The following SLC22A12 variants were observed in gnomAD, a reference collection of about 807,000 sequenced individuals.
SLC22A12 encodes the protein solute carrier family 22 member 12.
A neutral mutation model predicts 52.7 loss-of-function variants in SLC22A12; 56 were observed. The ratio of observed to expected loss-of-function variants is 1.06; its 90% CI spans 0.86 to 1.33. The LOEUF (loss-of-function observed/expected upper bound fraction) is 1.33, where lower values mean the gene tolerates loss of function less well. Ranked by LOEUF, SLC22A12 falls within the 40% of genes most tolerant of loss-of-function variation. SLC22A12 has a pLI of 0.00. For synonymous variants in SLC22A12, 337 were observed against 324.6 expected (o/e 1.04, Z -0.41); for missense variants, 683 against 741.5 (o/e 0.92, Z 0.92).
intron 1 of SLC22A12, among the ~76,000 whole-genome samples, chr11:64,592,170 G>A (rs2038939332): frequency 1.3e-5 from 2 of 152,196 alleles, no homozygotes; most frequent in South Asian, 4.1e-4. Flanking sequence ...TCTTGGAGGT[G>A]CGGGGGGCAC....
chr11:64,595,169 ATGG>A (rs2039094432), intron 4 of SLC22A12, among the ~76,000 whole-genome samples: 1 of 130,686 alleles, frequency 7.7e-6, no homozygotes, highest in African/African-American at 2.9e-5. Flanking sequence ...GGTTGGATGG[ATGG>A]ATGGATGGAT....
At chr11:64,597,543 C>T (rs1209523758) in intron 4 of SLC22A12, among the ~76,000 whole-genome samples, 1 of 152,204 alleles carries the variant, frequency 6.6e-6, no homozygotes, top group Non-Finnish European at 1.5e-5. Flanking sequence ...CCACCAAGTC[C>T]ACTGGGTCAC....
At chr11:64,598,985 C>A in intron 6 of SLC22A12, 62 bp downstream of exon 6, 1 of 1,581,072 alleles carries the variant, frequency 6.3e-7, no homozygotes, top group East Asian at 2.3e-5. Flanking sequence ...CTCTCGCTGG[C>A]ACACGGCCCC....
chr11:64,593,230 C>A (rs1464275199), intron 2 of SLC22A12, among the ~76,000 whole-genome samples, 175 bp from the exon 3 acceptor site: 1 of 152,280 alleles, frequency 6.6e-6, no homozygotes, highest in Non-Finnish European at 1.5e-5. Flanking sequence ...CCTCGGGACT[C>A]TCCTTGTGCT....
At chr11:64,595,133 A>ATGGT (rs1244837960) in intron 4 of SLC22A12, among the ~76,000 whole-genome samples, 22 of 116,438 alleles carry the variant, frequency 1.9e-4, no homozygotes, top group Non-Finnish European at 2.3e-4. Flanking sequence ...GGATGGATGG[A>ATGGT]TGGTTGAATG....
intron 6 of SLC22A12, 88 bp from the exon 7 acceptor site, chr11:64,599,588 T>TGAGCCCCCCCC: frequency 2.2e-6 from 1 of 460,228 alleles, no homozygotes; most frequent in Non-Finnish European, 3.5e-6. Flanking sequence ...ACCCCCACCC[T>TGAGCCCCCCCC]GAGCCCCCAC....
intron 4 of SLC22A12, among the ~76,000 whole-genome samples, chr11:64,595,460 A>G (rs1406263289): frequency 2.3e-5 from 3 of 132,726 alleles, no homozygotes; most frequent in Non-Finnish European, 3.1e-5. Flanking sequence ...GATGGAATGG[A>G]TGGATGTTTG....
chr11:64,591,688 G>A lies in SLC22A12; in HGVS notation c.132G>A (p.Val44=). Reference sequence around the variant, plus strand: ...TGCTGGAGAACTTCTCGGCCGCCGTGCCCAGCCACCGCTGCTGGGCACCCC... The same window carrying A: ...TGCTGGAGAACTTCTCGGCCGCCGTACCCAGCCACCGCTGCTGGGCACCCC... The part of the protein sequence containing the change: ...QSMLENFSAA[V]PSHRCWAPLL... The change falls in exon 1 of 10, where the codon GTG becomes GTA. Residue 44 remains valine, a synonymous_variant. Transcript: ENST00000377574. The A allele has an allele frequency of 6.2e-7, 1 of 1,612,212 alleles. No homozygotes were observed. Among genetic ancestry groups the A allele is most frequent in the Non-Finnish European group, 8.5e-7 (1 of 1,180,010 alleles).
chr11:64,591,458 G>T lies in SLC22A12; in HGVS notation c.-99G>T. On this transcript the variant is annotated 5_prime_UTR_variant, in exon 1 of 10. Coordinates refer to ENST00000377574, the MANE Select transcript of SLC22A12 (RefSeq NM_144585.4). ...CGCTGGGCTGGAGAAGCCACTGTGGGCACCACCGTGGGGGAAACAGGCCCG... is the reference window on the plus strand; with the variant it reads ...CGCTGGGCTGGAGAAGCCACTGTGGTCACCACCGTGGGGGAAACAGGCCCG... 1 of 1,513,806 alleles carries T rather than the reference G, an allele frequency of 6.6e-7. No individual in the cohort carries two copies. Among genetic ancestry groups the T allele is most frequent in the South Asian group, 1.1e-5 (1 of 87,098 alleles). The allele number at this position is 1,513,806 out of a possible 1,614,324, so 93.8% of individuals were successfully genotyped here. A position where few individuals can be genotyped will look rare whatever the true frequency, so the allele number is the denominator to read the frequency against.
intron 6 of SLC22A12, 85 bp from the exon 7 acceptor site, chr11:64,599,591 G>GCCCCCCCCCCCCCCTGTTTCCCCCCCC: frequency 1.6e-6 from 1 of 617,180 alleles, no homozygotes; most frequent in Non-Finnish European, 2.4e-6. Flanking sequence ...CCCACCCTGA[G>GCCCCCCCCCCCCCCTGTTTCCCCCCCC]CCCCCACCGC....
chr11:64,595,094 AGGATGGAT>A lies in SLC22A12; in HGVS notation c.830+1326_830+1333del, dbSNP rs752538108. On this transcript the variant is annotated intron_variant, in intron 4 of 9. Transcript: ENST00000377574. Reference sequence around the variant, plus strand: ...TGGATGGATAGATGGATAGATGGAAAGGATGGATGGATGGATGGATGGATGGATGGATG... The same window carrying A: ...TGGATGGATAGATGGATAGATGGAAAGGATGGATGGATGGATGGATGGATG... 7.0e-4 allele frequency among the ~76,000 whole-genome samples: 28 copies of A among 40,062 alleles called. 1 individual carries two copies. Among genetic ancestry groups the A allele is most frequent in the African/African-American group, 1.0e-3 (12 of 11,498 alleles). 26.3% of individuals were successfully genotyped at this position (40,062 alleles called of 152,430 possible). A position where few individuals can be genotyped will look rare whatever the true frequency, so the allele number is the denominator to read the frequency against.
At chr11:64,601,129 C>T (rs1053345917) in intron 9 of SLC22A12, among the ~76,000 whole-genome samples, 191 bp downstream of exon 9, 1 of 152,294 alleles carries the variant, frequency 6.6e-6, no homozygotes, top group Admixed American at 6.5e-5. Flanking sequence ...GCTGGCAGTG[C>T]TTTGACCTAG....
At position 64,593,716 on chromosome 11, in the gene SLC22A12, C is replaced by G. The variant is rs2038996609; in HGVS notation, c.743C>G (p.Thr248Arg). 1 of 1,613,992 alleles carries G rather than the reference C, an allele frequency of 6.2e-7. No individual in the cohort carries two copies. The highest frequency in any genetic ancestry group is 8.5e-7 in the Non-Finnish European group (1 of 1,180,028). Residue 248 changes from threonine (T) to arginine (R), a missense_variant, in exon 4 of 10, where the codon ACA becomes AGA. Thr to Arg is a moderately conservative substitution (Grantham distance 71). Coordinates refer to ENST00000377574, the MANE Select transcript of SLC22A12 (RefSeq NM_144585.4). ...SLGFSFGHGL[T>R]AAVAYGVRDW... Reference sequence around the variant, plus strand: ...GGCTTCAGCTTCGGCCATGGCCTGACAGCTGCAGTGGCCTACGGTGTGCGG... The same window carrying G: ...GGCTTCAGCTTCGGCCATGGCCTGAGAGCTGCAGTGGCCTACGGTGTGCGG...
intron 2 of SLC22A12, 56 bp downstream of exon 2, chr11:64,592,938 A>G: frequency 6.7e-7 from 1 of 1,501,306 alleles, no homozygotes; most frequent in Non-Finnish European, 9.2e-7. Context: ...CTGCTCTCCT[A>G]GGACCCTGGC....
intron 4 of SLC22A12, 23 bp from the exon 5 acceptor site, chr11:64,598,493 C>T: frequency 1.9e-6 from 3 of 1,558,548 alleles, no homozygotes; most frequent in South Asian, 2.4e-5. Flanking sequence ...GCAATGACCC[C>T]TCCCACGCCC....
chr11:64,598,771 C>T, intron 5 of SLC22A12, 37 bp from the exon 6 acceptor site: 1 of 1,611,098 alleles, frequency 6.2e-7, no homozygotes, highest in Non-Finnish European at 8.5e-7. Context: ...GTGCCTGGCG[C>T]CCCCAGTGCC....
Position 64,592,795 on chromosome 11 carries a change from ACT to A in SLC22A12, c.423_424del (p.His142CysfsTer176). 1 of 1,613,534 alleles carries A rather than the reference ACT, an allele frequency of 6.2e-7. No individual in the cohort carries two copies. The highest frequency in any genetic ancestry group is 8.5e-7 in the Non-Finnish European group (1 of 1,179,862). ...TCCCATCAGTGGAACCTCGTGTGTG[ACT>A]CTCATGCTCTGAAGCCCATGGCCCA... On this transcript the variant is annotated frameshift_variant, in exon 2 of 10. Transcript: ENST00000377574. LOFTEE classifies it high-confidence loss of function.
chr11:64,593,153 C>A (rs572240257), intron 2 of SLC22A12, among the ~76,000 whole-genome samples: 1 of 152,382 alleles, frequency 6.6e-6, no homozygotes, highest in South Asian at 2.1e-4. Flanking sequence ...CTGGCTTGGC[C>A]ATGCGCCTTC....
At chr11:64,595,137 TTGAATGGA>T (rs2039090893) in intron 4 of SLC22A12, among the ~76,000 whole-genome samples, 1 of 26,334 alleles carries the variant, frequency 3.8e-5, no homozygotes. Context: ...GGATGGATGG[TTGAATGGA>T]TGGTTGAATG....
Sources: gnomAD v4.1 joint callset for allele counts (sites outside exome capture counted in the v4.1 genomes callset) on GRCh38, gnomAD v4.1.1 for gene constraint, MANE v1.5 for transcripts, NCBI Gene and HGNC (gene_info 2026-07-23, HGNC 2026-07-21) for gene names.